Variants in CLVS1 observed in about 807,000 individuals in gnomAD.
The protein encoded by CLVS1 is clavesin 1.
A neutral mutation model predicts 33.1 loss-of-function variants in CLVS1; 10 were observed. That is an observed-to-expected ratio of 0.30 (90% CI 0.19 to 0.51). The LOEUF (loss-of-function observed/expected upper bound fraction) is 0.51, where lower values mean the gene tolerates loss of function less well. Ranked by LOEUF, CLVS1 falls within the 20% of genes least tolerant of loss-of-function variation. The probability of loss-of-function intolerance (pLI) is 0.97; values close to 1 mark genes in which losing one functional copy is unlikely to be tolerated. For synonymous variants in CLVS1, 163 were observed against 166.1 expected (o/e 0.98, Z 0.14); for missense variants, 343 against 433.4 (o/e 0.79, Z 1.85).
chr8:61,411,552 G>A (rs1010724048), intron 3 of CLVS1, among the ~76,000 whole-genome samples: 9 of 152,182 alleles, frequency 5.9e-5, no homozygotes, highest in Non-Finnish European at 7.3e-5. Flanking sequence ...CTATGCCGAG[G>A]CAGCAGCTCT....
At chr8:61,059,115 T>C (rs890171402) in intron 1 of CLVS1, among the ~76,000 whole-genome samples, 1 of 152,164 alleles carries the variant, frequency 6.6e-6, no homozygotes, top group Non-Finnish European at 1.5e-5. Flanking sequence ...TTTGAGAAAC[T>C]GACCACTGTT....
chr8:61,330,968 G>C (rs1811571470), intron 2 of CLVS1, among the ~76,000 whole-genome samples: 3 of 152,030 alleles, frequency 2.0e-5, no homozygotes, highest in Middle Eastern at 6.8e-3. Context: ...TGTTCCTGTA[G>C]CTACTCAAGA....
intron 1 of CLVS1, among the ~76,000 whole-genome samples, chr8:61,058,453 T>C (rs1378423231): frequency 6.6e-6 from 1 of 152,180 alleles, no homozygotes; most frequent in East Asian, 1.9e-4. Context: ...ATCAAAAAGA[T>C]ACCATATGTG....
intron 2 of CLVS1, among the ~76,000 whole-genome samples, chr8:61,202,030 TAAA>T (rs1293362870): frequency 6.6e-6 from 1 of 152,196 alleles, no homozygotes; most frequent in Non-Finnish European, 1.5e-5. Flanking sequence ...TAGAACTTTT[TAAA>T]AGAGGCAAAG....
At chr8:61,368,004 G>A (rs1438969022) in intron 2 of CLVS1, among the ~76,000 whole-genome samples, 1 of 152,216 alleles carries the variant, frequency 6.6e-6, no homozygotes, top group African/African-American at 2.4e-5. Context: ...ATTAAATTTT[G>A]AAGTGAAGAA....
intron 2 of CLVS1, among the ~76,000 whole-genome samples, chr8:61,231,382 G>A (rs1234813293): frequency 6.6e-6 from 1 of 152,082 alleles, no homozygotes; most frequent in Non-Finnish European, 1.5e-5. Context: ...AATCATGTGG[G>A]GAGTTGTAAT....
chr8:61,072,917 C>T (rs534090537), intron 1 of CLVS1, among the ~76,000 whole-genome samples: 2 of 152,342 alleles, frequency 1.3e-5, no homozygotes, highest in South Asian at 4.1e-4. Flanking sequence ...AATGATAAGG[C>T]TTTCCTCCAT....
chr8:61,459,785 A>G (rs566400973), intron 5 of CLVS1, among the ~76,000 whole-genome samples: 1 of 152,314 alleles, frequency 6.6e-6, no homozygotes, highest in Non-Finnish European at 1.5e-5. Context: ...GGCTGCTGTA[A>G]TAAGTTACTA....
intron 1 of CLVS1, among the ~76,000 whole-genome samples, chr8:61,070,457 A>C (rs1804772529): frequency 6.6e-6 from 1 of 152,236 alleles, no homozygotes; most frequent in African/African-American, 2.4e-5. Flanking sequence ...TTTTCAATAA[A>C]GCAGCACATT....
chr8:61,329,037 A>G (rs1019930966), intron 2 of CLVS1, among the ~76,000 whole-genome samples: 5 of 152,140 alleles, frequency 3.3e-5, no homozygotes, highest in Non-Finnish European at 5.9e-5. Context: ...GCATTTAAAT[A>G]GTTTCTTCCC....
intron 2 of CLVS1, among the ~76,000 whole-genome samples, chr8:61,227,305 T>G (rs1288706498): frequency 6.6e-6 from 1 of 151,868 alleles, no homozygotes; most frequent in Non-Finnish European, 1.5e-5. Context: ...TTTTTTTTTT[T>G]TTTAATATGT....
chr8:61,477,802 T>G (rs912819596), intron 5 of CLVS1, among the ~76,000 whole-genome samples: 86 of 152,030 alleles, frequency 5.7e-4, no homozygotes, highest in South Asian at 2.1e-3. Context: ...ATGTCCTTCA[T>G]TTCTGCTCTG....
chr8:61,162,143 C>T (rs1806765341), intron 2 of CLVS1, among the ~76,000 whole-genome samples: 1 of 152,232 alleles, frequency 6.6e-6, no homozygotes, highest in Non-Finnish European at 1.5e-5. Context: ...TCTTTAAGCT[C>T]ATTCAATCAC....
At chr8:61,208,622 C>G (rs1347631004) in intron 2 of CLVS1, among the ~76,000 whole-genome samples, 1 of 151,922 alleles carries the variant, frequency 6.6e-6, no homozygotes, top group Non-Finnish European at 1.5e-5. Flanking sequence ...TGGAGTCTCA[C>G]TCTGTCGCCA....
At chr8:61,134,080 G>A (rs1806148093) in intron 2 of CLVS1, among the ~76,000 whole-genome samples, 1 of 152,156 alleles carries the variant, frequency 6.6e-6, no homozygotes, top group South Asian at 2.1e-4. Flanking sequence ...GAGATGTCCA[G>A]CAGGCAGCTG....
At chr8:61,444,056 A>T (rs1440238164) in intron 3 of CLVS1, among the ~76,000 whole-genome samples, 2 of 152,084 alleles carry the variant, frequency 1.3e-5, no homozygotes, top group Non-Finnish European at 2.9e-5. Context: ...GAGAAATATA[A>T]TTTTTTTATA....
intron 1 of CLVS1, among the ~76,000 whole-genome samples, chr8:61,091,089 C>T (rs1585603233): frequency 6.6e-6 from 1 of 152,180 alleles, no homozygotes; most frequent in Non-Finnish European, 1.5e-5. Context: ...AAGGATCTTG[C>T]CATGGGAGAT....
chr8:60,992,626 T>C, the CLVS1 span, among the ~76,000 whole-genome samples: 2 of 152,134 alleles, frequency 1.3e-5, no homozygotes, highest in African/African-American at 4.8e-5. Context: ...TCTTAGAGAG[T>C]GTCCCTGTTT....
intron 2 of CLVS1, among the ~76,000 whole-genome samples, chr8:61,171,518 G>A (rs1394284153): frequency 6.6e-6 from 1 of 152,178 alleles, no homozygotes; most frequent in Non-Finnish European, 1.5e-5. Context: ...TGTTCAATAA[G>A]GAGGTGGGAA....
Sources: allele counts gnomAD v4.1 joint callset (sites outside exome capture counted in the v4.1 genomes callset), GRCh38; gene constraint gnomAD v4.1.1; transcripts MANE v1.5; gene names NCBI Gene and HGNC (gene_info 2026-07-23, HGNC 2026-07-21).